Variants in RNF130 observed in about 807,000 individuals in gnomAD.
The protein encoded by RNF130 is ring finger protein 130.
Under a neutral mutation model 44.6 loss-of-function variants are expected in RNF130, and 21 were observed. The ratio of observed to expected loss-of-function variants is 0.47; its 90% CI spans 0.33 to 0.68. The LOEUF (loss-of-function observed/expected upper bound fraction) is 0.68. RNF130 is among the 30% of genes least tolerant of loss of function. The pLI is 0.02. For synonymous variants in RNF130, 214 were observed against 210.4 expected, an observed-to-expected ratio of 1.02 and a Z score of -0.15; for missense variants, 479 against 560.6, an observed-to-expected ratio of 0.85 and a Z score of 1.47.
intron 3 of RNF130, among the ~76,000 whole-genome samples, chr5:179,995,950 T>C (rs576002248): frequency 9.2e-5 from 14 of 152,332 alleles, no homozygotes; most frequent in East Asian, 1.9e-4. Context: ...TAATCTGCTG[T>C]CTTTGGGGGA....
chr5:179,952,795 C>A (rs554638194), downstream of RNF130, among the ~76,000 whole-genome samples: 3 of 152,250 alleles, frequency 2.0e-5, no homozygotes, highest in East Asian at 5.8e-4. Flanking sequence ...AAAACTATTT[C>A]ATGATAAAAA....
Position 179,966,909 on chromosome 5 carries a change from G to T in RNF130, c.1047C>A (p.Asp349Glu). The T allele has an allele frequency of 6.2e-7, 1 of 1,614,252 alleles. No homozygotes were observed. Among genetic ancestry groups the T allele is most frequent in the Non-Finnish European group, 8.5e-7 (1 of 1,180,040 alleles). ...RRSALGDLAG[D>E]NSLGLEPLRT... ...GAAGTGGCTCAAGGCCAAGGGAGTT[G>T]TCGCCGGCGAGGTCGCCGAGGGCTG... The change falls in exon 7 of 9, where the codon GAC (aspartate) becomes GAA (glutamate). Residue 349 changes from aspartate (D) to glutamate (E), a missense_variant. Physicochemically the swap from Asp to Glu is conservative, Grantham distance 45. This residue lies in a region of RNF130 where 161 missense variants were observed against 158.6 expected (regional missense o/e 1.02). Transcript: ENST00000521389.
At chr5:180,023,413 C>G (rs151108265) in intron 2 of RNF130, among the ~76,000 whole-genome samples, 3 of 152,266 alleles carry the variant, frequency 2.0e-5, no homozygotes, top group Admixed American at 1.3e-4. Context: ...ATGGCTGATT[C>G]TAGGACTGAT....
intron 1 of RNF130, among the ~76,000 whole-genome samples, chr5:180,068,374 C>T (rs1325484302): frequency 6.6e-6 from 1 of 152,226 alleles, no homozygotes; most frequent in African/African-American, 2.4e-5. Context: ...TTCAAAACTC[C>T]GTTTCTAAAC....
chr5:180,057,913 G>A (rs773958523), intron 1 of RNF130, among the ~76,000 whole-genome samples: 19 of 152,122 alleles, frequency 1.2e-4, no homozygotes, highest in African/African-American at 3.1e-4. Context: ...ACCTACAACC[G>A]GTGTCTGAAG....
intron 1 of RNF130, among the ~76,000 whole-genome samples, chr5:180,048,369 ATAT>A (rs1764617185): frequency 6.6e-6 from 1 of 152,140 alleles, no homozygotes; most frequent in Non-Finnish European, 1.5e-5. Context: ...CTAGAGGATG[ATAT>A]TATTATCAAA....
intron 1 of RNF130, among the ~76,000 whole-genome samples, chr5:180,043,465 C>T (rs1764475623): frequency 6.6e-6 from 1 of 152,096 alleles, no homozygotes; most frequent in African/African-American, 2.4e-5. Context: ...AATATGTGAG[C>T]TACCCCACGC....
chr5:179,950,830 T>C (rs1762114017), downstream of RNF130, among the ~76,000 whole-genome samples: 1 of 152,212 alleles, frequency 6.6e-6, no homozygotes, highest in Non-Finnish European at 1.5e-5. Context: ...TACTTCAGCA[T>C]CTTCTGATGA....
intron 3 of RNF130, among the ~76,000 whole-genome samples, chr5:179,983,898 T>C (rs771030419): frequency 2.4e-4 from 37 of 152,226 alleles, no homozygotes; most frequent in South Asian, 2.1e-4. Flanking sequence ...GTTGATGCTA[T>C]GGAAAATGGG....
intron 3 of RNF130, among the ~76,000 whole-genome samples, chr5:179,987,926 CT>C (rs1762992214): frequency 6.6e-6 from 1 of 152,130 alleles, no homozygotes; most frequent in African/African-American, 2.4e-5. Flanking sequence ...CTGCCATTTT[CT>C]TATTTCGTTG....
chr5:179,947,981 T>G (rs777502664), intron 7 of RNF130, among the ~76,000 whole-genome samples: 112 of 152,188 alleles, frequency 7.4e-4, no homozygotes, highest in Non-Finnish European at 2.6e-4. Context: ...CCTGAGACTC[T>G]GAATTGCTCT....
At chr5:180,048,964 C>T (rs1764630164) in intron 1 of RNF130, among the ~76,000 whole-genome samples, 1 of 152,344 alleles carries the variant, frequency 6.6e-6, no homozygotes, top group African/African-American at 2.4e-5. Flanking sequence ...GGGACTCAAA[C>T]AGGTGTCACT....
At chr5:180,063,776 T>A (rs1322329815) in intron 1 of RNF130, among the ~76,000 whole-genome samples, 1 of 152,202 alleles carries the variant, frequency 6.6e-6, no homozygotes, top group African/African-American at 2.4e-5. Flanking sequence ...TGTTGAGCTG[T>A]AGGAAGCATG....
At chr5:180,031,602 A>T (rs891846524) in intron 2 of RNF130, among the ~76,000 whole-genome samples, 18 of 152,214 alleles carry the variant, frequency 1.2e-4, no homozygotes, top group African/African-American at 4.3e-4. Flanking sequence ...TGTAATTGCT[A>T]AACTATATTC....
In RNF130 at chr5:179,959,471, C is replaced by A; in HGVS notation, c.1245-3802G>T. Among the ~76,000 whole-genome samples the A allele has an allele frequency of 2.0e-5, 3 of 151,878 alleles. No individual in the cohort carries two copies. The South Asian group carries it at 6.2e-4, about 32-fold the overall frequency. On this transcript the variant is annotated intron_variant, in intron 8 of 8. Coordinates refer to ENST00000521389, the MANE Select transcript of RNF130 (RefSeq NM_018434.6). Reference sequence around the variant, plus strand: ...TGAAACCCCATCTCTACTAAAAATACAAAAAAATTAGCTGGGCGTGGTGGC... The same window carrying A: ...TGAAACCCCATCTCTACTAAAAATAAAAAAAAATTAGCTGGGCGTGGTGGC...
chr5:179,927,992 C>T (rs944052984), intron 7 of RNF130, among the ~76,000 whole-genome samples: 8 of 152,132 alleles, frequency 5.3e-5, no homozygotes, highest in Non-Finnish European at 8.8e-5. Flanking sequence ...TATGTTGCAA[C>T]ATCCATCCGC....
At chr5:179,959,518 C>T (rs1482802844) in intron 8 of RNF130, among the ~76,000 whole-genome samples, 6 of 151,938 alleles carry the variant, frequency 3.9e-5, no homozygotes, top group African/African-American at 1.5e-4. Flanking sequence ...ATCCCAGCTA[C>T]TCAGAAGACT....
At chr5:180,046,529 T>C (rs1487066709) in intron 1 of RNF130, among the ~76,000 whole-genome samples, 4 of 152,222 alleles carry the variant, frequency 2.6e-5, no homozygotes, top group African/African-American at 7.2e-5. Flanking sequence ...CCCCTGAGAA[T>C]TGTCAGTCTG....
intron 2 of RNF130, among the ~76,000 whole-genome samples, chr5:180,036,082 T>A (rs572750624): frequency 1.1e-4 from 16 of 152,352 alleles, no homozygotes; most frequent in African/African-American, 3.6e-4. Flanking sequence ...CTCTATATTT[T>A]GCATGTCTTA....
Sources: allele counts gnomAD v4.1 joint callset (sites outside exome capture counted in the v4.1 genomes callset), GRCh38; gene constraint gnomAD v4.1.1; regional missense constraint gnomAD v4.1.1; transcripts MANE v1.5; gene names NCBI Gene and HGNC (gene_info 2026-07-23, HGNC 2026-07-21).